Variants in ACO2 observed in about 807,000 individuals in gnomAD.
ACO2 encodes the protein aconitase 2, also known as aconitate hydratase, mitochondrial.
Under a neutral mutation model 84.5 loss-of-function variants are expected in ACO2, and 31 were observed. That is an observed-to-expected ratio of 0.37 (90% confidence interval 0.28 to 0.50). ACO2 has a LOEUF of 0.50. ACO2 is among the 20% of genes least tolerant of loss of function. The probability of loss-of-function intolerance (pLI) is 0.97; values close to 1 mark genes in which losing one functional copy is unlikely to be tolerated. For synonymous variants in ACO2, 414 were observed against 412.7 expected, an observed-to-expected ratio of 1.00 and a Z score of -0.04; for missense variants, 685 against 1,029.3, an observed-to-expected ratio of 0.67 and a Z score of 4.58.
intron 1 of ACO2, among the ~76,000 whole-genome samples, chr22:41,480,922 T>C (rs1221730204): frequency 6.6e-6 from 1 of 152,014 alleles, no homozygotes; most frequent in Non-Finnish European, 1.5e-5. Flanking sequence ...CTCAAGCAAT[T>C]CTCCCACCTC....
intron 1 of ACO2, among the ~76,000 whole-genome samples, chr22:41,479,638 C>G (rs1362863081): frequency 2.0e-5 from 3 of 152,196 alleles, no homozygotes; most frequent in Non-Finnish European, 4.4e-5. Flanking sequence ...TGATTGTCTC[C>G]TGCCCTAAAC....
intron 3 of ACO2, 59 bp from the exon 4 acceptor site, chr22:41,511,817 G>A: frequency 7.3e-7 from 1 of 1,366,320 alleles, no homozygotes; most frequent in Non-Finnish European, 1.0e-6. Context: ...AGGGCTTGGT[G>A]AGGGTCACCT....
chr22:41,471,451 A>G (rs1402206246), intron 1 of ACO2, among the ~76,000 whole-genome samples: 2 of 152,188 alleles, frequency 1.3e-5, no homozygotes, highest in African/African-American at 2.4e-5. Flanking sequence ...GATGGTTACT[A>G]CCTTAATAGT....
Position 41,528,546 on chromosome 22 carries a change from A to G in ACO2, c.2276A>G (p.Asn759Ser). ...ACCATCCTCCTGAACCACACCTTCAACGAGACGCAGATTGAGTGGTTCCGC... is the reference window on the plus strand; with the variant it reads ...ACCATCCTCCTGAACCACACCTTCAGCGAGACGCAGATTGAGTGGTTCCGC... Reference protein sequence around the residue: ...QETILLNHTFNETQIEWFRAG... With the variant: ...QETILLNHTFSETQIEWFRAG... The change falls in exon 18 of 18, where the codon AAC becomes AGC. Residue 759 changes from asparagine (N) to serine (S), a missense_variant. This residue lies in a region of ACO2 where 174 missense variants were observed against 236.6 expected (regional missense o/e 0.74). Coordinates refer to ENST00000216254, the MANE Select transcript of ACO2 (RefSeq NM_001098.3). 1.2e-6 allele frequency: 2 copies of G among 1,613,216 alleles called. No individual in the cohort carries two copies. Among genetic ancestry groups the G allele is most frequent in the Non-Finnish European group, 1.7e-6 (2 of 1,180,016 alleles).
chr22:41,480,539 C>T (rs2038074539), intron 1 of ACO2, among the ~76,000 whole-genome samples: 1 of 152,130 alleles, frequency 6.6e-6, no homozygotes, highest in Non-Finnish European at 1.5e-5. Context: ...CCGTAATCCT[C>T]TCCCCAGTAC....
At chr22:41,469,482 C>T in intron 1 of ACO2, 1 of 392,404 alleles carries the variant, frequency 2.5e-6, no homozygotes, top group Admixed American at 4.6e-5. Flanking sequence ...TTGCCTGCTC[C>T]CGTGGGGTGT....
Position 41,515,261 on chromosome 22 carries a change from C to T in ACO2, c.526-116C>T. 7.9e-7 allele frequency: 1 copy of T among 1,262,618 alleles called. No homozygotes were observed. Among genetic ancestry groups the T allele is most frequent in the South Asian group, 1.2e-5 (1 of 80,196 alleles). The allele number at this position is 1,262,618 out of a possible 1,614,324, so 78.2% of individuals were successfully genotyped here. A position where few individuals can be genotyped will look rare whatever the true frequency, so the allele number is the denominator to read the frequency against. ...CTGGATTAAATGGGGCTGCTCCTAC[C>T]AGTTCCATCCTGGGAGAGTGGCTGG... is the stretch of plus-strand genomic sequence containing the variant. On this transcript the variant is annotated intron_variant, in intron 4 of 17. Transcript: ENST00000216254. The surrounding 1 kb of genome is among the most constrained non-coding windows in gnomAD (Gnocchi z 5.8).
At chr22:41,479,599 T>C (rs2146083008) in intron 1 of ACO2, among the ~76,000 whole-genome samples, 1 of 152,310 alleles carries the variant, frequency 6.6e-6, no homozygotes. Context: ...GTCGGCTCTG[T>C]GCCTGTTTGG....
intron 16 of ACO2, 68 bp downstream of exon 16, chr22:41,527,488 C>T (rs770344074): frequency 5.6e-5 from 87 of 1,543,074 alleles, no homozygotes; most frequent in Middle Eastern, 4.8e-4. Flanking sequence ...TCTCCCTGCC[C>T]GTGGCTGAGT....
chr22:41,525,473 G>C, intron 14 of ACO2, 125 bp downstream of exon 14: 1 of 1,252,704 alleles, frequency 8.0e-7, no homozygotes, highest in Non-Finnish European at 1.1e-6. Flanking sequence ...AGATGGAAGG[G>C]AGGTTTGGCT....
intron 3 of ACO2, among the ~76,000 whole-genome samples, chr22:41,509,922 G>A (rs1374882585): frequency 1.5e-5 from 2 of 137,612 alleles, no homozygotes; most frequent in South Asian, 2.5e-4. Context: ...TGCAACCTCC[G>A]CCTCCTGGGT....
At chr22:41,511,547 A>G in intron 3 of ACO2, among the ~76,000 whole-genome samples, 1 of 152,164 alleles carries the variant, frequency 6.6e-6, no homozygotes, top group East Asian at 1.9e-4. Flanking sequence ...CACTCTTGGC[A>G]ATTATTTAGA....
At position 41,515,945 on chromosome 22, in the gene ACO2, C is replaced by T; in HGVS notation, c.835+28C>T. 1 of 1,605,330 alleles carries T rather than the reference C, an allele frequency of 6.2e-7. No homozygotes were observed. The highest frequency in any genetic ancestry group is 8.5e-7 in the Non-Finnish European group (1 of 1,175,788). ...GAGGAAGGCGGCCAGGCGACGTGGC[C>T]CCTACCCTGTGCTGGGCCTGATGGG... On this transcript the variant is annotated intron_variant, in intron 6 of 17. Coordinates refer to ENST00000216254, the MANE Select transcript of ACO2 (RefSeq NM_001098.3). This position sits in a 1 kb window ranked among gnomAD's most constrained non-coding sequence, Gnocchi z 5.8.
Position 41,515,542 on chromosome 22 carries a change from G to A in ACO2, c.684+7G>A, listed in dbSNP as rs1255028450. 4.4e-6 allele frequency: 7 copies of A among 1,605,416 alleles called. No individual in the cohort carries two copies. The highest frequency in any genetic ancestry group is 3.3e-5 in the South Asian group (3 of 89,900). Reference sequence around the variant, plus strand: ...GGAGCTGAAGTGCCCCAAGGTGAGGGTGGGGAGGGACTCATTCTGGGCTGG... The same window carrying A: ...GGAGCTGAAGTGCCCCAAGGTGAGGATGGGGAGGGACTCATTCTGGGCTGG... On this transcript the variant is annotated splice_region_variant and intron_variant, in intron 5 of 17. Coordinates refer to ENST00000216254, the MANE Select transcript of ACO2 (RefSeq NM_001098.3). The surrounding 1 kb of genome is among the most constrained non-coding windows in gnomAD (Gnocchi z 5.8).
At chr22:41,490,134 C>T (rs2146095072) in intron 1 of ACO2, among the ~76,000 whole-genome samples, 1 of 152,220 alleles carries the variant, frequency 6.6e-6, no homozygotes, top group Non-Finnish European at 1.5e-5. Context: ...ACCAGCCTGG[C>T]AAACATGGTG....
intron 2 of ACO2, among the ~76,000 whole-genome samples, chr22:41,502,138 G>T (rs555469674): frequency 6.6e-6 from 1 of 152,140 alleles, no homozygotes; most frequent in African/African-American, 2.4e-5. Flanking sequence ...GCTTGTTCTT[G>T]TGGGTTTCTT....
intron 2 of ACO2, among the ~76,000 whole-genome samples, chr22:41,505,117 A>G (rs555252529): frequency 6.6e-6 from 1 of 152,144 alleles, no homozygotes; most frequent in East Asian, 1.9e-4. Flanking sequence ...CATATTGATG[A>G]TAACAGTAAT....
intron 1 of ACO2, among the ~76,000 whole-genome samples, chr22:41,486,521 A>C (rs988709671): frequency 1.4e-5 from 2 of 138,470 alleles, no homozygotes; most frequent in African/African-American, 5.6e-5. Flanking sequence ...CCCAGGCTGG[A>C]GTGCAGTGGC....
chr22:41,473,878 G>T lies in ACO2; in HGVS notation c.36+4696G>T, dbSNP rs562376203. Among the ~76,000 whole-genome samples the T allele has an allele frequency of 3.9e-5, 6 of 152,324 alleles. No individual in the cohort carries two copies. The South Asian group carries it at 1.2e-3, about 32-fold the overall frequency. On this transcript the variant is annotated intron_variant, in intron 1 of 17. Coordinates refer to ENST00000216254, the MANE Select transcript of ACO2 (RefSeq NM_001098.3). ...GAGGATAAGAGCTAAGGCCAGTGTTGCTACAGTGTCCTGAGGAGCGAAAGG... is the reference window on the plus strand; with the variant it reads ...GAGGATAAGAGCTAAGGCCAGTGTTTCTACAGTGTCCTGAGGAGCGAAAGG...
Sources: allele counts gnomAD v4.1 joint callset (sites outside exome capture counted in the v4.1 genomes callset), GRCh38; gene constraint gnomAD v4.1.1; regional missense constraint gnomAD v4.1.1; non-coding constraint Gnocchi (gnomAD v3.1); transcripts MANE v1.5; gene names NCBI Gene and HGNC (gene_info 2026-07-23, HGNC 2026-07-21).